Variants in GIN1 observed in about 807,000 individuals in gnomAD.
The protein encoded by GIN1 is gypsy retrotransposon integrase-like protein 1.
GIN1 carries 41 observed loss-of-function variants against 51.4 expected under a neutral mutation model. The observed-to-expected ratio is 0.80, with a 90% confidence interval of 0.62 to 1.04. The LOEUF (loss-of-function observed/expected upper bound fraction) is 1.04. GIN1 is among the 50% of genes least tolerant of loss of function. The pLI is 0.00. For missense variants in GIN1, 610 were observed against 612.4 expected (o/e 1.00, Z 0.04); for synonymous variants, 222 against 206.5 (o/e 1.07, Z -0.64).
At chr5:103,098,468 A>G (rs782071789) in intron 4 of GIN1, among the ~76,000 whole-genome samples, 13 of 152,110 alleles carry the variant, frequency 8.5e-5, no homozygotes, top group Non-Finnish European at 1.9e-4. Context: ...CTTTGAGTTT[A>G]ATTTTTTTCT....
chr5:103,116,673 T>C (rs1438378000), intron 1 of GIN1, among the ~76,000 whole-genome samples: 5 of 152,078 alleles, frequency 3.3e-5, no homozygotes, highest in African/African-American at 1.2e-4. Context: ...GGATAAAATA[T>C]CTGCAATACA....
chr5:103,087,853 G>T lies in GIN1; in HGVS notation c.*45C>A, dbSNP rs782609254. The stretch of plus-strand genomic sequence containing the variant: ...TTTTTAATGAATAAGATATCATTAA[G>T]AATTTATATTCTAAACAAACAATTT... On this transcript the variant is annotated 3_prime_UTR_variant, in exon 8 of 8. Coordinates refer to ENST00000399004, the MANE Select transcript of GIN1 (RefSeq NM_017676.2). 5 of 799,056 alleles carry T rather than the reference G, an allele frequency of 6.3e-6. No individual in the cohort carries two copies. The highest frequency in any genetic ancestry group is 9.7e-6 in the Non-Finnish European group (5 of 517,112). The allele number at this position is 799,056 out of a possible 1,614,324, so 49.5% of individuals were successfully genotyped here.
rs1787409895 is a variant in GIN1 at position 103,096,861 on chromosome 5, A to C, written c.1009-35T>G. On this transcript the variant is annotated intron_variant, in intron 6 of 7. Transcript: ENST00000399004. ...TAAAAAGAAAAAGAACAAAGAGATG[A>C]AAGAGCTATAATATCTTGAAGGTAA... 4 of 1,324,670 alleles carry C rather than the reference A, an allele frequency of 3.0e-6. No homozygotes were observed. The Admixed American group carries it at 7.2e-5, about 24-fold the overall frequency. The allele number at this position is 1,324,670 out of a possible 1,614,324, so 82.1% of individuals were successfully genotyped here. A position where few individuals can be genotyped will look rare whatever the true frequency, so the allele number is the denominator to read the frequency against.
intron 1 of GIN1, among the ~76,000 whole-genome samples, chr5:103,117,006 A>G (rs528830674): frequency 3.1e-4 from 47 of 152,222 alleles, no homozygotes; most frequent in African/African-American, 1.1e-3. Context: ...TATAAAGTTA[A>G]ACATCAATTT....
chr5:103,116,524 C>T (rs1334701566), intron 1 of GIN1, among the ~76,000 whole-genome samples: 1 of 151,996 alleles, frequency 6.6e-6, no homozygotes, highest in Non-Finnish European at 1.5e-5. Context: ...TACAACTTCT[C>T]GAAGACAACA....
intron 1 of GIN1, among the ~76,000 whole-genome samples, chr5:103,116,821 C>T (rs1229531281): frequency 2.0e-5 from 3 of 151,878 alleles, no homozygotes; most frequent in African/African-American, 7.2e-5. Context: ...TGAAAAAATG[C>T]TCAACATCAA....
chr5:103,103,950 T>A (rs926217507), intron 4 of GIN1, among the ~76,000 whole-genome samples: 1 of 151,752 alleles, frequency 6.6e-6, no homozygotes, highest in African/African-American at 2.4e-5. Flanking sequence ...CCACCACACC[T>A]GGCTAATTTT....
At chr5:103,099,905 T>G (rs534207466) in intron 4 of GIN1, among the ~76,000 whole-genome samples, 18 of 152,316 alleles carry the variant, frequency 1.2e-4, no homozygotes, top group African/African-American at 3.8e-4. Context: ...TATGTTATAA[T>G]ATTTAGCAGT....
intron 4 of GIN1, among the ~76,000 whole-genome samples, chr5:103,103,842 T>C (rs993976295): frequency 6.6e-6 from 1 of 152,188 alleles, no homozygotes; most frequent in African/African-American, 2.4e-5. Flanking sequence ...CAGATTGAAG[T>C]GCAGTGGCAC....
intron 1 of GIN1, among the ~76,000 whole-genome samples, chr5:103,113,113 A>G (rs1554197060): frequency 6.6e-6 from 1 of 152,108 alleles, no homozygotes; most frequent in Non-Finnish European, 1.5e-5. Context: ...CTTCTATCTG[A>G]CCTTGCCTCC....
chr5:103,113,355 T>G (rs1787937813), intron 1 of GIN1, among the ~76,000 whole-genome samples: 1 of 152,154 alleles, frequency 6.6e-6, no homozygotes, highest in South Asian at 2.1e-4. Flanking sequence ...CCAGCAAATT[T>G]AGTGTCTACT....
chr5:103,109,423 T>G (rs1787813362), intron 1 of GIN1, among the ~76,000 whole-genome samples: 1 of 152,136 alleles, frequency 6.6e-6, no homozygotes, highest in Admixed American at 6.5e-5. Context: ...GGAAAGAGAA[T>G]GCTGGAACAA....
At chr5:103,106,149 C>T (rs781859599) in intron 3 of GIN1, among the ~76,000 whole-genome samples, 3 of 152,068 alleles carry the variant, frequency 2.0e-5, no homozygotes, top group Non-Finnish European at 2.9e-5. Flanking sequence ...CCAGCAAGAA[C>T]CCCAAAATTC....
intron 7 of GIN1, among the ~76,000 whole-genome samples, chr5:103,094,159 T>C (rs1787330153): frequency 6.6e-6 from 1 of 152,188 alleles, no homozygotes; most frequent in African/African-American, 2.4e-5. Flanking sequence ...CAAGGACTCT[T>C]TCAAATCAAC....
At chr5:103,099,165 G>C (rs1252614417) in intron 4 of GIN1, among the ~76,000 whole-genome samples, 1 of 152,114 alleles carries the variant, frequency 6.6e-6, no homozygotes, top group African/African-American at 2.4e-5. Flanking sequence ...CTCCCTTGCA[G>C]GTAGGGGTGG....
intron 2 of GIN1, among the ~76,000 whole-genome samples, chr5:103,108,318 T>C (rs1296987236): frequency 6.6e-6 from 1 of 152,128 alleles, no homozygotes; most frequent in Non-Finnish European, 1.5e-5. Flanking sequence ...AAGTTGTTAA[T>C]TTAGAAAAAT....
intron 7 of GIN1, among the ~76,000 whole-genome samples, chr5:103,091,918 A>G (rs1253451806): frequency 3.9e-5 from 6 of 151,912 alleles, no homozygotes; most frequent in Admixed American, 3.9e-4. Context: ...CCAGCTACTC[A>G]GGAGGCCGAG....
At position 103,108,582 on chromosome 5, in the gene GIN1, T is replaced by C. The variant is rs1554196598; in HGVS notation, c.126A>G (p.Lys42=). The change falls in exon 2 of 8, where the codon AAA becomes AAG. Residue 42 remains lysine, a synonymous_variant. Transcript: ENST00000399004. ...CATTAATTTTACCTTTGAAGACAAA[T>C]TTTTTTGCTGCTCTTCTTATGCCAC... ...ERSGIRRAAK[K]FVFKEKKLFY... 2 of 1,597,302 alleles carry C rather than the reference T, an allele frequency of 1.3e-6. No individual in the cohort carries two copies. The highest frequency in any genetic ancestry group is 1.3e-5 in the African/African-American group (1 of 74,448).
chr5:103,104,233 A>G (rs1046964756), intron 4 of GIN1, among the ~76,000 whole-genome samples: 4 of 152,184 alleles, frequency 2.6e-5, no homozygotes, highest in Admixed American at 2.6e-4. Context: ...GATTATAGGC[A>G]TGAGCCAGGC....
Sources: allele counts gnomAD v4.1 joint callset (sites outside exome capture counted in the v4.1 genomes callset), GRCh38; gene constraint gnomAD v4.1.1; transcripts MANE v1.5; gene names NCBI Gene and HGNC (gene_info 2026-07-23, HGNC 2026-07-21).